Variants in TENM1 observed in about 807,000 individuals in gnomAD.
TENM1 encodes teneurin transmembrane protein 1.
A neutral mutation model predicts 174.8 loss-of-function variants in TENM1; 35 were observed. The ratio of observed to expected loss-of-function variants is 0.20; its 90% confidence interval spans 0.15 to 0.27. The LOEUF is 0.27. TENM1 is among the 10% of genes least tolerant of loss of function. TENM1 has a pLI of 1.00. For missense variants in TENM1, 1,633 were observed against 2,130.1 expected (o/e 0.77, Z 4.59); for synonymous variants, 781 against 798.7 (o/e 0.98, Z 0.37).
chrX:124,545,913 A>T (rs1252971854), intron 15 of TENM1, among the ~76,000 whole-genome samples: 3 of 112,274 alleles, frequency 2.7e-5, no homozygotes, highest in Non-Finnish European at 5.6e-5. Flanking sequence ...TTTCAATAAC[A>T]GTTCTAGTAT....
chrX:124,788,202 A>C (rs908900732), intron 3 of TENM1, among the ~76,000 whole-genome samples: 6 of 111,166 alleles, frequency 5.4e-5, no homozygotes, highest in African/African-American at 2.0e-4. Flanking sequence ...GAGCCAAACC[A>C]TATCAAGCAC....
chrX:124,986,241 T>C, the TENM1 span, among the ~76,000 whole-genome samples: 2 of 111,799 alleles, frequency 1.8e-5, no homozygotes, highest in Non-Finnish European at 3.8e-5. Flanking sequence ...TATCACAGCA[T>C]ATACACTTGA....
chrX:125,078,112 C>G, the TENM1 span, among the ~76,000 whole-genome samples: 1 of 111,251 alleles, frequency 9.0e-6, no homozygotes, highest in Non-Finnish European at 1.9e-5. Context: ...AATAAATGAT[C>G]AAGTCATGTG....
the TENM1 span, among the ~76,000 whole-genome samples, chrX:125,008,474 C>A: frequency 8.9e-6 from 1 of 111,772 alleles, no homozygotes; most frequent in African/African-American, 3.3e-5. Flanking sequence ...GACATATCAA[C>A]AAGACAGAAA....
At chrX:125,169,542 C>T in the TENM1 span, among the ~76,000 whole-genome samples, 3,173 of 111,208 alleles carry the variant, frequency 0.029, 265 homozygotes, top group Admixed American at 0.25. Flanking sequence ...TATATCTGAC[C>T]ATCAGATACA....
chrX:124,583,066 G>A (rs2049373192), intron 11 of TENM1, among the ~76,000 whole-genome samples: 1 of 112,257 alleles, frequency 8.9e-6, no homozygotes, highest in Non-Finnish European at 1.9e-5. Context: ...ACAGCTCAAG[G>A]AGGCCTGCCT....
At chrX:124,496,004 A>T (rs1296558762) in intron 20 of TENM1, among the ~76,000 whole-genome samples, 1 of 101,716 alleles carries the variant, frequency 9.8e-6, no homozygotes, top group African/African-American at 3.8e-5. Flanking sequence ...ACAGCATGGT[A>T]CTGGTACCAA....
intron 5 of TENM1, among the ~76,000 whole-genome samples, chrX:124,676,792 G>C (rs1482562957): frequency 7.5e-5 from 8 of 106,529 alleles, no homozygotes; most frequent in Non-Finnish European, 1.6e-4. Context: ...AATAAGACTG[G>C]TGGTCTCTAG....
At chrX:125,162,995 C>G in the TENM1 span, among the ~76,000 whole-genome samples, 1 of 111,613 alleles carries the variant, frequency 9.0e-6, no homozygotes, top group Admixed American at 9.6e-5. Flanking sequence ...TCTTCTCACT[C>G]TCAGTATTCC....
the TENM1 span, among the ~76,000 whole-genome samples, chrX:125,009,788 A>T: frequency 2.8e-4 from 31 of 112,081 alleles, no homozygotes; most frequent in African/African-American, 9.4e-4. Context: ...AAACCACATG[A>T]TTATCTCAAT....
intron 4 of TENM1, among the ~76,000 whole-genome samples, chrX:124,722,782 G>A (rs1460722449): frequency 9.9e-6 from 1 of 101,444 alleles, no homozygotes; most frequent in African/African-American, 3.7e-5. Flanking sequence ...GGAGCTTGCA[G>A]TGAGCCGAGA....
the TENM1 span, among the ~76,000 whole-genome samples, chrX:125,078,369 A>C: frequency 4.0e-3 from 446 of 112,024 alleles, 1 homozygote; most frequent in Non-Finnish European, 6.6e-3. Context: ...ATTAGTGAGC[A>C]GTCAGTTTGA....
the TENM1 span, among the ~76,000 whole-genome samples, chrX:125,047,652 G>A: frequency 9.0e-6 from 1 of 111,194 alleles, no homozygotes; most frequent in African/African-American, 3.3e-5. Flanking sequence ...TACTCATTTT[G>A]CATTAGCCAC....
chrX:124,896,374 CT>C, intron 1 of TENM1, 133 bp from the exon 5 acceptor site: 1 of 669,174 alleles, frequency 1.5e-6, no homozygotes, highest in Non-Finnish European at 2.2e-6. Context: ...GAATTCTGGC[CT>C]TTTATTCATG....
rs1602797106 is a variant in TENM1 at position 124,615,212 on chromosome X, G to T, written c.2077+26579C>A. On this transcript the variant is annotated intron_variant, in intron 11 of 31. Transcript: ENST00000422452. Reference sequence around the variant, plus strand: ...AATGTTGGTTGAAGTAGCATTTCATGTCTACATCACAGGTGTTCCTGTATG... The same window carrying T: ...AATGTTGGTTGAAGTAGCATTTCATTTCTACATCACAGGTGTTCCTGTATG... Among the ~76,000 whole-genome samples the T allele has an allele frequency of 6.2e-5, 7 of 112,386 alleles. No homozygotes were observed. In the South Asian group the frequency reaches 2.6e-3, roughly 42 times the overall value.
intron 11 of TENM1, among the ~76,000 whole-genome samples, chrX:124,565,939 T>C (rs1186922530): frequency 2.7e-5 from 3 of 112,507 alleles, no homozygotes; most frequent in Non-Finnish European, 5.6e-5. Context: ...TATAAAACTC[T>C]AAGCCAAACT....
chrX:125,140,152 T>C, the TENM1 span, among the ~76,000 whole-genome samples: 3 of 111,603 alleles, frequency 2.7e-5, no homozygotes, highest in African/African-American at 6.5e-5. Context: ...CAAGGTGAAC[T>C]ACACCTACGT....
chrX:124,577,800 C>A (rs2049204535), intron 11 of TENM1, among the ~76,000 whole-genome samples: 1 of 112,225 alleles, frequency 8.9e-6, no homozygotes, highest in African/African-American at 3.2e-5. Context: ...GGCTCACTCT[C>A]AATTTCACAA....
rs181830796 is a variant in TENM1 at position 124,744,065 on chromosome X, T to C, written c.536-6868A>G. On this transcript the variant is annotated intron_variant, in intron 3 of 31. Coordinates refer to ENST00000422452, the Ensembl canonical transcript of TENM1. ...TGCTGTACACTGTATTGGTTTTACATAGTACAATCAGCCAACCTCAGGCAT... is the reference window on the plus strand; with the variant it reads ...TGCTGTACACTGTATTGGTTTTACACAGTACAATCAGCCAACCTCAGGCAT... Among the ~76,000 whole-genome samples, 512 of 111,852 alleles carry C rather than the reference T, an allele frequency of 4.6e-3. 2 individuals are homozygous for C. The highest frequency in any genetic ancestry group is 0.016 in the African/African-American group (479 of 30,855).
Sources: gnomAD v4.1 joint callset for allele counts (sites outside exome capture counted in the v4.1 genomes callset) on GRCh38, gnomAD v4.1.1 for gene constraint, MANE v1.5 for transcripts, NCBI Gene and HGNC (gene_info 2026-07-23, HGNC 2026-07-21) for gene names.